Variants in PNPLA1 observed in about 807,000 individuals in gnomAD.
The protein encoded by PNPLA1 is omega-hydroxyceramide transacylase.
In PNPLA1, 36 loss-of-function variants were observed where a neutral mutation model predicts 51.7. The observed-to-expected ratio is 0.70, with a 90% CI of 0.53 to 0.92. PNPLA1 has a LOEUF of 0.92. Among genes scored for constraint, PNPLA1 ranks in the 40% least tolerant of loss-of-function variants. The pLI is 0.00. For synonymous variants in PNPLA1, 293 were observed against 280.1 expected (o/e 1.05, Z -0.46); for missense variants, 658 against 682.5 (o/e 0.96, Z 0.40).
chr6:36,282,343 AGTT>A (rs1326847847), intron 1 of PNPLA1, among the ~76,000 whole-genome samples: 1 of 152,232 alleles, frequency 6.6e-6, no homozygotes, highest in Non-Finnish European at 1.5e-5. Context: ...ATTGTGCGAT[AGTT>A]GTTGTAGCTC....
At chr6:36,287,750 AC>A (rs1299194625) in intron 1 of PNPLA1, among the ~76,000 whole-genome samples, 9 of 99,538 alleles carry the variant, frequency 9.0e-5, no homozygotes, top group African/African-American at 1.5e-4. Context: ...TTGAAGACAG[AC>A]AGAAACACAC....
rs754910405 is a variant in PNPLA1, at chr6:36,301,991, C to G, written c.906C>G (p.Ala302=). The G allele has an allele frequency of 2.5e-6, 4 of 1,614,208 alleles. No homozygotes were observed. The highest frequency in any genetic ancestry group is 2.5e-6 in the Non-Finnish European group (3 of 1,180,032). The change falls in exon 6 of 9, where the codon GCC becomes GCG. Residue 302 remains alanine, a synonymous_variant. Transcript: ENST00000636260. ...RSQPSLRARQ[A]SLEGATQPHK... ...AACCAAGCCTTCGAGCACGGCAGGC[C>G]AGTCTGGAAGGAGCCACACAACCTC...
chr6:36,258,410 C>T (rs1769576009), intron 1 of PNPLA1, among the ~76,000 whole-genome samples: 1 of 152,188 alleles, frequency 6.6e-6, no homozygotes, highest in Non-Finnish European at 1.5e-5. Context: ...AAACAAACTA[C>T]AAAAAATTTT....
intron 1 of PNPLA1, among the ~76,000 whole-genome samples, chr6:36,273,551 CG>C (rs1268572512): frequency 6.6e-6 from 1 of 151,502 alleles, no homozygotes; most frequent in Non-Finnish European, 1.5e-5. Flanking sequence ...CGGGCGCCTG[CG>C]TTGCTCATCT....
Position 36,301,851 on chromosome 6 carries a change from T to C in PNPLA1, c.776-10T>C, listed in dbSNP as rs1387037539. The C allele has an allele frequency of 1.2e-6, 2 of 1,608,992 alleles. No homozygotes were observed. The highest frequency in any genetic ancestry group is 1.7e-6 in the Non-Finnish European group (2 of 1,176,634). On this transcript the variant is annotated splice_polypyrimidine_tract_variant and intron_variant, in intron 5 of 8. Transcript: ENST00000636260. ...GGCTGAGTAACACCCCATGCTATTGTTTATCCTAGATGCTGTTTATCTTAA... is the reference window on the plus strand; with the variant it reads ...GGCTGAGTAACACCCCATGCTATTGCTTATCCTAGATGCTGTTTATCTTAA...
intron 1 of PNPLA1, among the ~76,000 whole-genome samples, chr6:36,264,073 A>G (rs1769711508): frequency 1.3e-5 from 2 of 152,306 alleles, no homozygotes; most frequent in South Asian, 2.1e-4. Flanking sequence ...GCAGTCCTGC[A>G]TGGCAAGGAA....
chr6:36,292,657 C>T (rs940557244), intron 2 of PNPLA1, among the ~76,000 whole-genome samples: 10 of 152,186 alleles, frequency 6.6e-5, no homozygotes, highest in South Asian at 4.1e-4. Context: ...CCCACTGCAC[C>T]GTCACCCACT....
intron 1 of PNPLA1, among the ~76,000 whole-genome samples, chr6:36,272,550 G>C (rs1482398792): frequency 6.6e-6 from 1 of 152,188 alleles, no homozygotes; most frequent in South Asian, 2.1e-4. Context: ...AACAATACCT[G>C]ACATATGGCA....
At chr6:36,296,495 C>T (rs913566698) in intron 5 of PNPLA1, among the ~76,000 whole-genome samples, 17 of 152,060 alleles carry the variant, frequency 1.1e-4, no homozygotes, top group African/African-American at 3.6e-4. Flanking sequence ...TCCAAATGTT[C>T]GTGATTATGA....
At chr6:36,246,557 GA>G (rs2127307916) in intron 1 of PNPLA1, among the ~76,000 whole-genome samples, 1 of 152,260 alleles carries the variant, frequency 6.6e-6, no homozygotes, top group Non-Finnish European at 1.5e-5. Context: ...ATATGATACT[GA>G]TAACTTGTCA....
chr6:36,275,573 T>G (rs927194625), intron 1 of PNPLA1, among the ~76,000 whole-genome samples: 13 of 152,248 alleles, frequency 8.5e-5, no homozygotes, highest in Non-Finnish European at 1.5e-4. Context: ...CCACACTTAC[T>G]TGAAATGCTG....
At chr6:36,252,275 GT>G (rs1333135466) in intron 1 of PNPLA1, among the ~76,000 whole-genome samples, 2 of 152,118 alleles carry the variant, frequency 1.3e-5, no homozygotes, top group African/African-American at 4.8e-5. Context: ...TCTAGAAAGG[GT>G]TTTTTTCTCC....
chr6:36,281,425 A>C (rs1041356748), intron 1 of PNPLA1, among the ~76,000 whole-genome samples: 16 of 152,198 alleles, frequency 1.1e-4, no homozygotes, highest in African/African-American at 3.9e-4. Context: ...GCTATTTACC[A>C]AGCACTTAGA....
At chr6:36,255,636 A>G (rs1769516500) in intron 1 of PNPLA1, among the ~76,000 whole-genome samples, 1 of 151,988 alleles carries the variant, frequency 6.6e-6, no homozygotes, top group African/African-American at 2.4e-5. Context: ...GCAGTGAGCC[A>G]AGATTGTGCC....
intron 1 of PNPLA1, among the ~76,000 whole-genome samples, chr6:36,272,318 C>A (rs533663922): frequency 6.6e-6 from 1 of 152,236 alleles, no homozygotes; most frequent in South Asian, 2.1e-4. Context: ...AAGGTTCACG[C>A]TCCTATAAGA....
intron 1 of PNPLA1, among the ~76,000 whole-genome samples, chr6:36,261,053 G>T (rs753512962): frequency 6.6e-6 from 1 of 152,082 alleles, no homozygotes; most frequent in African/African-American, 2.4e-5. Flanking sequence ...GGCTTTGAAC[G>T]GCTGGGCTCA....
At chr6:36,303,991 G>A (rs368455524) in intron 6 of PNPLA1, among the ~76,000 whole-genome samples, 3 of 152,302 alleles carry the variant, frequency 2.0e-5, no homozygotes, top group East Asian at 1.9e-4. Context: ...TTTGAACATC[G>A]TGGTTTGTGG....
intron 5 of PNPLA1, among the ~76,000 whole-genome samples, chr6:36,297,888 A>ACACACACC (rs60041749): frequency 2.3e-4 from 35 of 150,782 alleles, no homozygotes; most frequent in African/African-American, 7.8e-4. Flanking sequence ...ACACACACAC[A>ACACACACC]CCCTGTGAAA....
At chr6:36,268,803 C>T (rs1196403717), upstream of PNPLA1, among the ~76,000 whole-genome samples, 1 of 152,280 alleles carries the variant, frequency 6.6e-6, no homozygotes, top group East Asian at 1.9e-4. Context: ...CCCAGGGCCC[C>T]GACACAGCAC....
Sources: allele counts gnomAD v4.1 joint callset (sites outside exome capture counted in the v4.1 genomes callset), GRCh38; gene constraint gnomAD v4.1.1; transcripts MANE v1.5; gene names NCBI Gene and HGNC (gene_info 2026-07-23, HGNC 2026-07-21).